MDGA2: variants seen among roughly 807,000 people sequenced by gnomAD.
The protein encoded by MDGA2 is MAM domain containing glycosylphosphatidylinositol anchor 2.
MDGA2 carries 40 observed loss-of-function variants against 117.8 expected under a neutral mutation model. The observed-to-expected ratio is 0.34, with a 90% CI of 0.26 to 0.44. The LOEUF is 0.44. MDGA2 is among the 20% of genes least tolerant of loss of function. The pLI is 1.00. For missense variants in MDGA2, 1,123 were observed against 1,250.6 expected, an observed-to-expected ratio of 0.90 and a Z score of 1.54; for synonymous variants, 452 against 439.0, an observed-to-expected ratio of 1.03 and a Z score of -0.37.
At position 47,053,901 on chromosome 14, in the gene MDGA2, C is replaced by T. The variant is rs1321687488; in HGVS notation, c.1525+7348G>A. 2.6e-5 allele frequency among the ~76,000 whole-genome samples: 4 copies of T among 151,756 alleles called. No individual in the cohort carries two copies. The South Asian group carries it at 8.3e-4, about 31-fold the overall frequency. On this transcript the variant is annotated intron_variant, in intron 7 of 16. Transcript: ENST00000399232. ...AAAACACTATTTGGAAATCAGTTCT[C>T]CAGCTGATCCCATAATTCTATAGAT...
Position 46,884,700 on chromosome 14 carries a change from A to G in MDGA2, c.2239-2479T>C, listed in dbSNP as rs925156615. 6.6e-6 allele frequency among the ~76,000 whole-genome samples: 1 copy of G among 152,052 alleles called. No individual in the cohort carries two copies. Among genetic ancestry groups the G allele is most frequent in the African/African-American group, 2.4e-5 (1 of 41,422 alleles). On this transcript the variant is annotated intron_variant, in intron 10 of 16. Coordinates refer to ENST00000399232, the MANE Select transcript of MDGA2 (RefSeq NM_001113498.3). The surrounding 1 kb of genome is among the most constrained non-coding windows in gnomAD (Gnocchi z 4.1). Reference sequence around the variant, plus strand: ...ACCATTCAATTGGTTATGCATATGGAAAAAAACCACTTGAATTGGAACCTT... The same window carrying G: ...ACCATTCAATTGGTTATGCATATGGGAAAAAACCACTTGAATTGGAACCTT...
chr14:46,994,120 C>T (rs1223141606), intron 8 of MDGA2, among the ~76,000 whole-genome samples: 2 of 152,054 alleles, frequency 1.3e-5, no homozygotes, highest in African/African-American at 2.4e-5. Flanking sequence ...AACACAGAGG[C>T]TTGAATAAGT....
At chr14:46,964,184 G>T (rs1195883875) in intron 8 of MDGA2, among the ~76,000 whole-genome samples, 2 of 152,160 alleles carry the variant, frequency 1.3e-5, no homozygotes, top group African/African-American at 4.8e-5. Context: ...GAGAAGGAGA[G>T]GGCAGAGTTT....
At position 47,670,880 on chromosome 14, in the gene MDGA2, G is replaced by A. The variant is rs1489339757; in HGVS notation, c.280+3637C>T. Among the ~76,000 whole-genome samples the A allele has an allele frequency of 7.2e-5, 11 of 152,074 alleles. No individual in the cohort carries two copies. The South Asian group carries it at 2.3e-3, about 32-fold the overall frequency. On this transcript the variant is annotated intron_variant, in intron 1 of 16. Coordinates refer to ENST00000399232, the MANE Select transcript of MDGA2 (RefSeq NM_001113498.3). Reference sequence around the variant, plus strand: ...AATAAGCAAAAATCTATAGCTTAAGGAAGTAAAATTTTTTAAATGCACATA... The same window carrying A: ...AATAAGCAAAAATCTATAGCTTAAGAAAGTAAAATTTTTTAAATGCACATA...
chr14:47,030,279 C>CTGAG lies in MDGA2; in HGVS notation c.1819+4728_1819+4731dup, dbSNP rs1042396242. 8.5e-5 allele frequency among the ~76,000 whole-genome samples: 13 copies of CTGAG among 152,144 alleles called. No individual in the cohort carries two copies. In the East Asian group the frequency reaches 2.5e-3, roughly 30 times the overall value. On this transcript the variant is annotated intron_variant, in intron 8 of 16. Coordinates refer to ENST00000399232, the MANE Select transcript of MDGA2 (RefSeq NM_001113498.3). Reference sequence around the variant, plus strand: ...TGTCAAATCCCAGCACTTTGGGAGGCTGAGGTTGGTGGATCACCTGAGGTC... The same window carrying CTGAG: ...TGTCAAATCCCAGCACTTTGGGAGGCTGAGTGAGGTTGGTGGATCACCTGAGGTC...
At chr14:47,170,086 T>A (rs1197599339) in intron 3 of MDGA2, among the ~76,000 whole-genome samples, 1 of 152,136 alleles carries the variant, frequency 6.6e-6, no homozygotes, top group Non-Finnish European at 1.5e-5. Flanking sequence ...CTCCTGGAGT[T>A]CATACATGAA....
intron 5 of MDGA2, among the ~76,000 whole-genome samples, chr14:47,129,770 T>G: frequency 6.9e-6 from 1 of 144,620 alleles, no homozygotes; most frequent in African/African-American, 2.6e-5. Flanking sequence ...CCTGACTTTT[T>G]AATGATTGCC....
At chr14:47,060,086 G>C (rs959590243) in intron 7 of MDGA2, among the ~76,000 whole-genome samples, 24 of 152,014 alleles carry the variant, frequency 1.6e-4, no homozygotes, top group Middle Eastern at 3.2e-3. Flanking sequence ...AAATATGTTA[G>C]AATTTTTTTA....
chr14:47,656,459 A>G (rs1477265219), intron 1 of MDGA2, among the ~76,000 whole-genome samples: 3 of 152,154 alleles, frequency 2.0e-5, no homozygotes, highest in Non-Finnish European at 4.4e-5. Flanking sequence ...AAAGAGTGCA[A>G]TGAGAGAAAA....
At chr14:47,088,095 T>A (rs984419056) in intron 6 of MDGA2, among the ~76,000 whole-genome samples, 1 of 152,006 alleles carries the variant, frequency 6.6e-6, no homozygotes, top group African/African-American at 2.4e-5. Flanking sequence ...CTAGACAAAA[T>A]TTTTTATTTG....
chr14:47,620,008 T>C (rs1164955547), intron 1 of MDGA2, among the ~76,000 whole-genome samples: 11 of 152,158 alleles, frequency 7.2e-5, no homozygotes, highest in Admixed American at 7.2e-4. Flanking sequence ...GAGGCTCCAA[T>C]GAAAGGTTCA....
In MDGA2 at chr14:47,158,363, G is replaced by GGTGTGT. The variant is rs34198544; in HGVS notation, c.596-14095_596-14090dup. 2.5e-3 allele frequency among the ~76,000 whole-genome samples: 373 copies of GGTGTGT among 146,784 alleles called. 2 individuals are homozygous for GGTGTGT. The highest frequency in any genetic ancestry group is 7.0e-3 in the Middle Eastern group (2 of 284). The stretch of plus-strand genomic sequence containing the variant: ...TTTCTCAGAACATATCCCTGGGGTG[G>GGTGTGT]GTGTGTGTGTGTGTGTGTGTGTGTG... On this transcript the variant is annotated intron_variant, in intron 3 of 16. Coordinates refer to ENST00000399232, the MANE Select transcript of MDGA2 (RefSeq NM_001113498.3).
In MDGA2 at chr14:47,053,006, T is replaced by G. The variant is rs144834769; in HGVS notation, c.1525+8243A>C. ...AAGAGCTCACTTCCATTATCAAAATTTATGCATCAATATTATGGTTTCTGG... is the reference window on the plus strand; with the variant it reads ...AAGAGCTCACTTCCATTATCAAAATGTATGCATCAATATTATGGTTTCTGG... On this transcript the variant is annotated intron_variant, in intron 7 of 16. Transcript: ENST00000399232. Among the ~76,000 whole-genome samples the G allele has an allele frequency of 5.1e-4, 77 of 152,026 alleles. 2 individuals carry two copies. The East Asian group carries it at 0.014, about 28-fold the overall frequency.
intron 1 of MDGA2, among the ~76,000 whole-genome samples, chr14:47,588,229 G>GATATATAT (rs1243073183): frequency 0.014 from 1,361 of 96,420 alleles, 14 homozygotes; most frequent in Non-Finnish European, 0.015. Context: ...ATCTCTTGGA[G>GATATATAT]ATAGATAGAT....
chr14:46,873,328 A>G (rs1882091177), intron 14 of MDGA2, 105 bp downstream of exon 14: 1 of 1,001,844 alleles, frequency 1.0e-6, no homozygotes. Flanking sequence ...AAAGTGAATT[A>G]TAGCATTCTT....
intron 15 of MDGA2, among the ~76,000 whole-genome samples, chr14:46,852,593 A>G (rs1190575158): frequency 6.6e-6 from 1 of 151,864 alleles, no homozygotes; most frequent in African/African-American, 2.4e-5. Flanking sequence ...CAATCTACCC[A>G]ATACTTGGGA....
intron 1 of MDGA2, among the ~76,000 whole-genome samples, chr14:47,339,845 T>C (rs1890567655): frequency 6.6e-6 from 1 of 152,294 alleles, no homozygotes; most frequent in African/African-American, 2.4e-5. Flanking sequence ...AAAGCATGAT[T>C]TCTGTGGCTA....
intron 1 of MDGA2, among the ~76,000 whole-genome samples, chr14:47,456,848 A>G (rs1371277692): frequency 6.6e-6 from 1 of 152,272 alleles, no homozygotes; most frequent in Non-Finnish European, 1.5e-5. Context: ...GGTTACAAGT[A>G]GCACTAGGTC....
At chr14:47,261,952 T>A (rs762361041) in intron 2 of MDGA2, among the ~76,000 whole-genome samples, 13 of 152,142 alleles carry the variant, frequency 8.5e-5, no homozygotes, top group Non-Finnish European at 1.5e-4. Context: ...GCAACACTCA[T>A]TAAGTCTGTG....
Sources: gnomAD v4.1 joint callset for allele counts (sites outside exome capture counted in the v4.1 genomes callset) on GRCh38, gnomAD v4.1.1 for gene constraint, Gnocchi (gnomAD v3.1) non-coding constraint, MANE v1.5 for transcripts, NCBI Gene and HGNC (gene_info 2026-07-23, HGNC 2026-07-21) for gene names.